RSPH6A: variants seen among roughly 807,000 people sequenced by gnomAD.
RSPH6A encodes radial spoke head protein 6 homolog A.
A neutral mutation model predicts 66.1 loss-of-function variants in RSPH6A; 49 were observed. The ratio of observed to expected loss-of-function variants is 0.74; its 90% CI spans 0.59 to 0.94. The LOEUF (loss-of-function observed/expected upper bound fraction) is 0.94, where lower values mean the gene tolerates loss of function less well. Ranked by LOEUF, RSPH6A falls within the 40% of genes least tolerant of loss-of-function variation. The pLI, the probability that RSPH6A is intolerant of heterozygous loss-of-function variation, is 0.00. For synonymous variants in RSPH6A, 419 were observed against 402.4 expected, an observed-to-expected ratio of 1.04 and a Z score of -0.49; for missense variants, 977 against 948.3, an observed-to-expected ratio of 1.03 and a Z score of -0.40.
In RSPH6A at chr19:45,815,212, C is replaced by T; in HGVS notation, c.-36G>A. 2 of 1,528,336 alleles carry T rather than the reference C, an allele frequency of 1.3e-6. No homozygotes were observed. Among genetic ancestry groups the T allele is most frequent in the South Asian group, 1.2e-5 (1 of 83,092 alleles). 94.7% of individuals were successfully genotyped at this position (1,528,336 alleles called of 1,614,324 possible). On this transcript the variant is annotated 5_prime_UTR_variant, in exon 1 of 6. Coordinates refer to ENST00000221538, the MANE Select transcript of RSPH6A (RefSeq NM_030785.4). ...GAGGCACAGATCTCTAGGAGAAAGG[C>T]TTGCAGACAAGGAGGCCAAGCGAGA...
chr19:45,808,956 C>T (rs796845086), intron 2 of RSPH6A, among the ~76,000 whole-genome samples: 13 of 147,430 alleles, frequency 8.8e-5, no homozygotes, highest in African/African-American at 3.0e-4. Flanking sequence ...CGTGAGCCAT[C>T]AAGCCCGGCC....
intron 2 of RSPH6A, among the ~76,000 whole-genome samples, chr19:45,806,544 G>A (rs1264476122): frequency 2.0e-5 from 3 of 151,430 alleles, no homozygotes; most frequent in Non-Finnish European, 4.4e-5. Context: ...GGTGGTGGGC[G>A]CCTGTAGTCC....
intron 3 of RSPH6A, among the ~76,000 whole-genome samples, chr19:45,803,210 GAAAA>G (rs537694212): frequency 9.6e-6 from 1 of 104,080 alleles, no homozygotes. Context: ...CTCCGTCTCA[GAAAA>G]AAAAAAAAAA....
intron 2 of RSPH6A, among the ~76,000 whole-genome samples, chr19:45,805,358 C>G (rs546839685): frequency 1.3e-5 from 2 of 152,014 alleles, no homozygotes; most frequent in Admixed American, 1.3e-4. Context: ...GATTGCTCCA[C>G]GCACTCCAGC....
intron 5 of RSPH6A, among the ~76,000 whole-genome samples, chr19:45,799,411 G>A (rs777808302): frequency 9.2e-5 from 14 of 152,188 alleles, no homozygotes; most frequent in Non-Finnish European, 7.3e-5. Context: ...GCCCAGACTG[G>A]AGTGCAGTGG....
At chr19:45,808,378 G>C (rs568692064) in intron 2 of RSPH6A, among the ~76,000 whole-genome samples, 1 of 152,070 alleles carries the variant, frequency 6.6e-6, no homozygotes, top group East Asian at 1.9e-4. Context: ...AGTGAGCTGA[G>C]ATCGTGCCAC....
chr19:45,814,569 T>C lies in RSPH6A; in HGVS notation c.608A>G (p.Lys203Arg), dbSNP rs200500980. ...GATGCTGGTCTGCAGCAGGTAGGCC[T>C]TGGCGTTCTGCACGGCCAGCTCCAG... ...EPLELAVQNA[K>R]AYLLQTSINC... The change falls in exon 1 of 6, where the codon AAG (lysine) becomes AGG (arginine). Residue 203 changes from lysine to arginine, a missense_variant. Coordinates refer to ENST00000221538, the MANE Select transcript of RSPH6A (RefSeq NM_030785.4). The C allele has an allele frequency of 6.5e-7, 1 of 1,537,434 alleles. No homozygotes were observed. Among genetic ancestry groups the C allele is most frequent in the African/African-American group, 1.4e-5 (1 of 72,706 alleles).
Position 45,810,757 on chromosome 19 carries a change from C to T in RSPH6A, c.734G>A (p.Arg245His). The change falls in exon 2 of 6, where the codon CGC (arginine) becomes CAC (histidine). Residue 245 changes from arginine (R) to histidine (H), a missense_variant. Transcript: ENST00000221538. The part of the protein sequence containing the change: ...DPLSVLESLN[R>H]TTQWEWFHPK... Reference sequence around the variant, plus strand: ...GTGGAACCACTCCCACTGCGTGGTGCGGTTCAGAGACTCCAGGACAGACAA... The same window carrying T: ...GTGGAACCACTCCCACTGCGTGGTGTGGTTCAGAGACTCCAGGACAGACAA... 4.3e-6 allele frequency: 7 copies of T among 1,614,132 alleles called. No homozygotes were observed. Among genetic ancestry groups the T allele is most frequent in the Non-Finnish European group, 5.9e-6 (7 of 1,180,000 alleles).
chr19:45,810,892 C>T, intron 1 of RSPH6A, 52 bp from the exon 2 acceptor site: 7 of 1,486,340 alleles, frequency 4.7e-6, no homozygotes, highest in Non-Finnish European at 6.4e-6. Context: ...ACTCAGCTCA[C>T]TGAGCTGGCT....
chr19:45,810,249 C>T (rs962313307), intron 2 of RSPH6A, among the ~76,000 whole-genome samples: 32 of 3,158 alleles, frequency 0.01, no homozygotes, highest in Admixed American at 0.045. Context: ...GGCTCACTGC[C>T]AAGCTCCGCC....
At chr19:45,813,103 T>C (rs1391016120) in intron 1 of RSPH6A, among the ~76,000 whole-genome samples, 3 of 152,044 alleles carry the variant, frequency 2.0e-5, no homozygotes, top group African/African-American at 7.2e-5. Context: ...GCCAGCTTTG[T>C]GCTTTAATAA....
intron 5 of RSPH6A, among the ~76,000 whole-genome samples, chr19:45,796,869 G>C (rs931787057): frequency 6.6e-6 from 1 of 151,870 alleles, no homozygotes; most frequent in Non-Finnish European, 1.5e-5. Flanking sequence ...GGCTGGTCTT[G>C]AACTCCTGAC....
At chr19:45,798,642 T>G (rs1331515712) in intron 5 of RSPH6A, among the ~76,000 whole-genome samples, 1 of 149,952 alleles carries the variant, frequency 6.7e-6, no homozygotes, top group Non-Finnish European at 1.5e-5. Flanking sequence ...ATTGAGACCA[T>G]CCTGGCTAAC....
chr19:45,797,530 T>C (rs1970421334), intron 5 of RSPH6A, among the ~76,000 whole-genome samples: 1 of 152,116 alleles, frequency 6.6e-6, no homozygotes, highest in African/African-American at 2.4e-5. Context: ...ACATATCATG[T>C]GGGACATAAA....
At chr19:45,802,879 C>T (rs1970490523) in intron 3 of RSPH6A, among the ~76,000 whole-genome samples, 1 of 149,890 alleles carries the variant, frequency 6.7e-6, no homozygotes, top group Non-Finnish European at 1.5e-5. Flanking sequence ...AGTGCAGTGG[C>T]TCACTGAAAG....
chr19:45,796,141 T>C (rs1453995434), intron 5 of RSPH6A, 35 bp from the exon 6 acceptor site: 3 of 1,286,198 alleles, frequency 2.3e-6, no homozygotes, highest in Middle Eastern at 2.5e-4. Context: ...AAATTCTCCC[T>C]CAAAGGCCCC....
chr19:45,804,486 G>A lies in RSPH6A; in HGVS notation c.1419C>T (p.Phe473=). 1 of 1,614,192 alleles carries A rather than the reference G, an allele frequency of 6.2e-7. No individual in the cohort carries two copies. The highest frequency in any genetic ancestry group is 2.2e-5 in the East Asian group (1 of 44,878). Residue 473 remains phenylalanine (F), a synonymous_variant, in exon 3 of 6, where the codon TTC becomes TTT. Transcript: ENST00000221538. The surrounding 1 kb of genome is among the most constrained non-coding windows in gnomAD (Gnocchi z 5.8). ...GCAGGTAGTTGGCCTCGTTGCCCGG[G>A]AAGGGTGGGTAGCTGACGACTGGCG... The part of the protein sequence containing the change: ...LDTPVVSYPP[F]PGNEANYLRA...
chr19:45,813,264 G>C (rs964662747), intron 1 of RSPH6A, among the ~76,000 whole-genome samples: 16 of 152,004 alleles, frequency 1.1e-4, no homozygotes, highest in African/African-American at 3.9e-4. Flanking sequence ...CTCTTCCTCC[G>C]GTCATCTGCA....
At chr19:45,809,063 G>C (rs1461504068) in intron 2 of RSPH6A, among the ~76,000 whole-genome samples, 2 of 133,900 alleles carry the variant, frequency 1.5e-5, no homozygotes, top group African/African-American at 2.9e-5. Flanking sequence ...GTGCAGTGGT[G>C]CAATCTCAGC....
Sources: allele counts gnomAD v4.1 joint callset (sites outside exome capture counted in the v4.1 genomes callset), GRCh38; gene constraint gnomAD v4.1.1; non-coding constraint Gnocchi (gnomAD v3.1); transcripts MANE v1.5; gene names NCBI Gene and HGNC (gene_info 2026-07-23, HGNC 2026-07-21).